Variants in BTRC observed in about 807,000 individuals in gnomAD.
BTRC encodes the protein beta-transducin repeat containing E3 ubiquitin protein ligase.
A neutral mutation model predicts 85.5 loss-of-function variants in BTRC; 42 were observed. The observed-to-expected ratio is 0.49, with a 90% CI of 0.38 to 0.64. The LOEUF (loss-of-function observed/expected upper bound fraction) is 0.64, where lower values mean the gene tolerates loss of function less well. Among genes scored for constraint, BTRC ranks in the 30% least tolerant of loss-of-function variants. The probability of loss-of-function intolerance (pLI) is 0.00; values close to 1 mark genes in which losing one functional copy is unlikely to be tolerated. For missense variants in BTRC, 594 were observed against 743.5 expected, an observed-to-expected ratio of 0.80 and a Z score of 2.34; for synonymous variants, 255 against 263.3, an observed-to-expected ratio of 0.97 and a Z score of 0.30.
At chr10:101,388,893 T>C (rs1462235903) in intron 1 of BTRC, among the ~76,000 whole-genome samples, 1 of 152,206 alleles carries the variant, frequency 6.6e-6, no homozygotes, top group Non-Finnish European at 1.5e-5. Context: ...AAGTCTTTTA[T>C]TTATGTTAGA....
At chr10:101,469,389 A>T (rs200226579) in intron 3 of BTRC, among the ~76,000 whole-genome samples, 2 of 152,318 alleles carry the variant, frequency 1.3e-5, no homozygotes, top group East Asian at 3.9e-4. Flanking sequence ...AGTCCTATAT[A>T]TAGCCCTACT....
At chr10:101,381,811 A>G (rs1233305941) in intron 1 of BTRC, among the ~76,000 whole-genome samples, 4 of 152,004 alleles carry the variant, frequency 2.6e-5, no homozygotes, top group African/African-American at 9.7e-5. Flanking sequence ...ATGATATTTT[A>G]CCTTCTGCAT....
rs1385048711 is a variant in BTRC at position 101,509,464 on chromosome 10, C to T, written c.325-12175C>T. Among the ~76,000 whole-genome samples, 75 of 148,978 alleles carry T rather than the reference C, an allele frequency of 5.0e-4. 1 individual carries two copies. Among genetic ancestry groups the T allele is most frequent in the Admixed American group, 1.5e-3 (23 of 14,974 alleles). On this transcript the variant is annotated intron_variant, in intron 4 of 14. Coordinates refer to ENST00000370187, the MANE Select transcript of BTRC (RefSeq NM_033637.4). ...AGAGACGGGGTTTCACCGTTTTAGC[C>T]GGGATGGTCTCGATCTCCTGACCTC...
At chr10:101,441,451 A>G (rs953626351) in intron 2 of BTRC, among the ~76,000 whole-genome samples, 3 of 152,264 alleles carry the variant, frequency 2.0e-5, no homozygotes. Context: ...ATCTAGTCAC[A>G]TACGTCTCAT....
At chr10:101,388,060 C>G (rs1334132737) in intron 1 of BTRC, among the ~76,000 whole-genome samples, 1 of 152,084 alleles carries the variant, frequency 6.6e-6, no homozygotes, top group Non-Finnish European at 1.5e-5. Context: ...ATATACTAAA[C>G]CTATTGGGAT....
intron 1 of BTRC, among the ~76,000 whole-genome samples, chr10:101,374,731 A>G (rs1341024514): frequency 6.6e-6 from 1 of 151,152 alleles, no homozygotes; most frequent in Non-Finnish European, 1.5e-5. Context: ...ATGTATACAT[A>G]TGTATGTAAC....
At chr10:101,537,978 A>G (rs1207334254) in intron 12 of BTRC, among the ~76,000 whole-genome samples, 1 of 152,254 alleles carries the variant, frequency 6.6e-6, no homozygotes, top group Non-Finnish European at 1.5e-5. Flanking sequence ...CCAGTCCCTC[A>G]GTACATGTGA....
intron 8 of BTRC, among the ~76,000 whole-genome samples, 153 bp from the exon 9 acceptor site, chr10:101,532,779 TGTGTGTGTGTGCGCGTGTGC>T (rs1456073563): frequency 2.5e-5 from 2 of 81,498 alleles, no homozygotes; most frequent in Admixed American, 1.1e-4. Context: ...TGTGTGTGTG[TGTGTGTGTGTGCGCGTGTGC>T]GCGCGCGCGC....
chr10:101,555,100 G>A lies in BTRC; in HGVS notation c.*1977G>A, dbSNP rs1177288173. On this transcript the variant is annotated 3_prime_UTR_variant, in exon 15 of 15. Transcript: ENST00000370187. ...ATGTTTTCTACTTGGCCACTATCAG[G>A]GTTCGTCATCTATTGTGTTGACTAT... The A allele has an allele frequency of 1.3e-5, 2 of 152,554 alleles. No individual in the cohort carries two copies. The highest frequency in any genetic ancestry group is 2.4e-5 in the African/African-American group (1 of 41,558). 9.5% of individuals were successfully genotyped at this position (152,554 alleles called of 1,614,324 possible).
chr10:101,536,543 A>G lies in BTRC; in HGVS notation c.1467A>G (p.Arg489=). The G allele has an allele frequency of 6.2e-7, 1 of 1,610,012 alleles. No individual in the cohort carries two copies. Among genetic ancestry groups the G allele is most frequent in the South Asian group, 1.1e-5 (1 of 90,954 alleles). The part of the protein sequence containing the change: ...VVSGSSDNTI[R]LWDIECGACL... ...CACCTGACTTAATTTTCTCTTCCAGATTATGGGACATAGAATGTGGTGCAT... is the reference window on the plus strand; with the variant it reads ...CACCTGACTTAATTTTCTCTTCCAGGTTATGGGACATAGAATGTGGTGCAT... Residue 489 remains arginine, a splice_region_variant and synonymous_variant, in exon 12 of 15, where the codon AGA becomes AGG. Coordinates refer to ENST00000370187, the MANE Select transcript of BTRC (RefSeq NM_033637.4).
chr10:101,447,087 G>A (rs1403921243), intron 2 of BTRC, among the ~76,000 whole-genome samples: 4 of 152,164 alleles, frequency 2.6e-5, no homozygotes, highest in East Asian at 1.9e-4. Context: ...CAGACCAGAC[G>A]AGTAGCTTAT....
rs571151628 is a variant in BTRC, at chr10:101,542,631, G to A, written c.1656+4260G>A. 1.2e-4 allele frequency among the ~76,000 whole-genome samples: 19 copies of A among 152,262 alleles called. No homozygotes were observed. The East Asian group carries it at 3.7e-3, about 29-fold the overall frequency. On this transcript the variant is annotated intron_variant, in intron 13 of 14. Coordinates refer to ENST00000370187, the MANE Select transcript of BTRC (RefSeq NM_033637.4). Reference sequence around the variant, plus strand: ...ATGCCGCCCAGGCTGGAATGCAGTGGCACACCCATGACTCACTGCAGCCTC... The same window carrying A: ...ATGCCGCCCAGGCTGGAATGCAGTGACACACCCATGACTCACTGCAGCCTC...
rs1001903603 is a variant in BTRC at position 101,557,216 on chromosome 10, A to G, written c.*4093A>G. 2.0e-5 allele frequency: 3 copies of G among 152,176 alleles called. No homozygotes were observed. Among genetic ancestry groups the G allele is most frequent in the East Asian group, 1.9e-4 (1 of 5,200 alleles). The allele number at this position is 152,176 out of a possible 1,614,324, so 9.4% of individuals were successfully genotyped here. A position where few individuals can be genotyped will look rare whatever the true frequency, so the allele number is the denominator to read the frequency against. On this transcript the variant is annotated 3_prime_UTR_variant, in exon 15 of 15. Coordinates refer to ENST00000370187, the MANE Select transcript of BTRC (RefSeq NM_033637.4). Reference sequence around the variant, plus strand: ...ATGGTGATGTGTAGTCAGTGTACCAATATGTTCACAACCTAGGATCATGAT... The same window carrying G: ...ATGGTGATGTGTAGTCAGTGTACCAGTATGTTCACAACCTAGGATCATGAT...
At chr10:101,512,261 C>T (rs1268163098) in intron 4 of BTRC, among the ~76,000 whole-genome samples, 1 of 152,234 alleles carries the variant, frequency 6.6e-6, no homozygotes, top group Non-Finnish European at 1.5e-5. Flanking sequence ...ATTAATTCAG[C>T]ATTTAATCAT....
At chr10:101,364,566 T>A (rs762325011) in intron 1 of BTRC, among the ~76,000 whole-genome samples, 7 of 152,204 alleles carry the variant, frequency 4.6e-5, no homozygotes, top group Non-Finnish European at 8.8e-5. Context: ...TATATTTAGA[T>A]GTCTGGAAAA....
At chr10:101,535,286 C>T in intron 10 of BTRC, 68 bp from the exon 11 acceptor site, 1 of 1,193,950 alleles carries the variant, frequency 8.4e-7, no homozygotes, top group Non-Finnish European at 1.2e-6. Flanking sequence ...TTCTCTAAGA[C>T]TCCATTTGCC....
intron 3 of BTRC, among the ~76,000 whole-genome samples, chr10:101,464,578 T>C (rs1238895200): frequency 7.4e-6 from 1 of 134,276 alleles, no homozygotes; most frequent in East Asian, 2.5e-4. Flanking sequence ...TTTTCTAATA[T>C]CTGTCATTCA....
intron 2 of BTRC, among the ~76,000 whole-genome samples, chr10:101,443,751 A>C (rs1433293944): frequency 6.6e-6 from 1 of 152,174 alleles, no homozygotes; most frequent in Non-Finnish European, 1.5e-5. Flanking sequence ...TATAATTTGT[A>C]CTTTTTATAT....
intron 4 of BTRC, among the ~76,000 whole-genome samples, chr10:101,514,816 AC>A (rs1379732489): frequency 6.6e-6 from 1 of 151,124 alleles, no homozygotes. Flanking sequence ...TTCTGGACTC[AC>A]TATTCCTTTC....
Sources: gnomAD v4.1 joint callset for allele counts (sites outside exome capture counted in the v4.1 genomes callset) on GRCh38, gnomAD v4.1.1 for gene constraint, MANE v1.5 for transcripts, NCBI Gene and HGNC (gene_info 2026-07-23, HGNC 2026-07-21) for gene names.